The following CMC1 variants were observed in gnomAD, a reference collection of about 807,000 sequenced individuals.
CMC1 encodes the protein COX assembly mitochondrial protein homolog.
Under a neutral mutation model 14.1 loss-of-function variants are expected in CMC1, and 14 were observed. The observed-to-expected ratio is 0.99, with a 90% CI of 0.66 to 1.55. The LOEUF (loss-of-function observed/expected upper bound fraction) is 1.55, where lower values mean the gene tolerates loss of function less well. CMC1 is among the 40% of genes most tolerant of loss of function. The pLI, the probability that CMC1 is intolerant of heterozygous loss-of-function variation, is 0.00. For missense variants in CMC1, 127 were observed against 123.8 expected, an observed-to-expected ratio of 1.03 and a Z score of -0.12; for synonymous variants, 50 against 38.4, an observed-to-expected ratio of 1.30 and a Z score of -1.12.
chr3:28,301,252 C>G (rs1702031737), intron 2 of CMC1, among the ~76,000 whole-genome samples: 1 of 152,160 alleles, frequency 6.6e-6, no homozygotes, highest in Non-Finnish European at 1.5e-5. Context: ...CAAGGCCATG[C>G]TCTGTTACCT....
intron 1 of CMC1, among the ~76,000 whole-genome samples, chr3:28,256,474 C>T (rs907623834): frequency 6.6e-6 from 1 of 152,118 alleles, no homozygotes; most frequent in African/African-American, 2.4e-5. Flanking sequence ...AAAATACCTT[C>T]ACAGCATCAC....
intron 2 of CMC1, among the ~76,000 whole-genome samples, chr3:28,276,135 A>G (rs1285495390): frequency 1.3e-5 from 2 of 152,026 alleles, no homozygotes; most frequent in African/African-American, 4.8e-5. Flanking sequence ...TCCCAGTGAG[A>G]AAACCTAGAT....
At position 28,314,406 on chromosome 3, in the gene CMC1, AC is replaced by A. The variant is rs879390445; in HGVS notation, c.110-1925del. On this transcript the variant is annotated intron_variant, in intron 2 of 3. Coordinates refer to ENST00000466830, the MANE Select transcript of CMC1 (RefSeq NM_182523.2). ...AAAGAATTTCCCTTGGTTTGATTTG[AC>A]CTGTGTGGCCAGCTCATCTGCGTCA... Among the ~76,000 whole-genome samples the A allele has an allele frequency of 4.8e-4, 73 of 152,260 alleles. 1 individual carries two copies. The highest frequency in any genetic ancestry group is 1.9e-3 in the South Asian group (9 of 4,830).
intron 2 of CMC1, among the ~76,000 whole-genome samples, chr3:28,279,436 G>A (rs1700755420): frequency 6.6e-6 from 1 of 152,134 alleles, no homozygotes; most frequent in African/African-American, 2.4e-5. Flanking sequence ...AAATTATTCA[G>A]TGTACACAGA....
In CMC1 at chr3:28,320,328, A is replaced by T. The variant is rs951040567; in HGVS notation, c.*699A>T. 1 of 151,596 alleles carries T rather than the reference A, an allele frequency of 6.6e-6. No individual in the cohort carries two copies. The highest frequency in any genetic ancestry group is 1.5e-5 in the Non-Finnish European group (1 of 67,686). 9.4% of individuals were successfully genotyped at this position (151,596 alleles called of 1,614,324 possible). A position where few individuals can be genotyped will look rare whatever the true frequency, so the allele number is the denominator to read the frequency against. ...CTCACAGTTCTGGAGTTTATTTGCC[A>T]GCAGCTTCTGGCAAGGGTTTTCATA... On this transcript the variant is annotated 3_prime_UTR_variant, in exon 4 of 4. Transcript: ENST00000466830.
intron 2 of CMC1, among the ~76,000 whole-genome samples, chr3:28,266,375 C>T (rs766588465): frequency 5.9e-5 from 9 of 151,892 alleles, no homozygotes; most frequent in African/African-American, 1.2e-4. Context: ...AAAACTATAA[C>T]GTAATACAAA....
chr3:28,257,497 C>G (rs1206177293), intron 1 of CMC1, among the ~76,000 whole-genome samples: 1 of 152,016 alleles, frequency 6.6e-6, no homozygotes, highest in African/African-American at 2.4e-5. Context: ...TAGACTTGTA[C>G]AAGTTGTCTT....
At chr3:28,263,640 A>T (rs183240100) in intron 2 of CMC1, among the ~76,000 whole-genome samples, 2 of 152,264 alleles carry the variant, frequency 1.3e-5, no homozygotes, top group East Asian at 3.9e-4. Context: ...ATATACATGG[A>T]AAAACTTGGT....
At chr3:28,277,257 T>C (rs963104414) in intron 2 of CMC1, among the ~76,000 whole-genome samples, 3 of 152,226 alleles carry the variant, frequency 2.0e-5, no homozygotes, top group Non-Finnish European at 4.4e-5. Context: ...ACATTGGTTG[T>C]CTCCATTGTA....
chr3:28,258,305 T>G (rs1481292908), intron 1 of CMC1, among the ~76,000 whole-genome samples: 3 of 151,552 alleles, frequency 2.0e-5, no homozygotes, highest in Admixed American at 1.3e-4. Context: ...TTCATATTAG[T>G]GAAGTCAAAT....
intron 2 of CMC1, among the ~76,000 whole-genome samples, chr3:28,314,845 G>A (rs916570833): frequency 1.3e-5 from 2 of 152,018 alleles, no homozygotes; most frequent in African/African-American, 4.8e-5. Context: ...ACATAATTAT[G>A]TATTTTCATG....
At chr3:28,244,891 T>G (rs1263183917) in intron 1 of CMC1, among the ~76,000 whole-genome samples, 1 of 151,748 alleles carries the variant, frequency 6.6e-6, no homozygotes, top group African/African-American at 2.4e-5. Flanking sequence ...AGGAAGGTTT[T>G]TTTTTTTTTC....
At chr3:28,253,443 T>TG (rs1699235800) in intron 1 of CMC1, among the ~76,000 whole-genome samples, 1 of 152,134 alleles carries the variant, frequency 6.6e-6, no homozygotes, top group Admixed American at 6.6e-5. Context: ...TAGCTTGATG[T>TG]GGTGGTGTGT....
At position 28,324,449 on chromosome 3, in the gene CMC1, C is replaced by T. The variant is rs749672598; in HGVS notation, c.*4820C>T. On this transcript the variant is annotated 3_prime_UTR_variant, in exon 4 of 4. Coordinates refer to ENST00000466830, the MANE Select transcript of CMC1 (RefSeq NM_182523.2). ...AGGTCTTCACTGCATCCTACAGGGG[C>T]ACAGGCTAAAAAGAAAACACAGACT... The T allele has an allele frequency of 4.1e-6, 6 of 1,468,050 alleles. No homozygotes were observed. Among genetic ancestry groups the T allele is most frequent in the Non-Finnish European group, 5.4e-6 (6 of 1,104,762 alleles). The allele number at this position is 1,468,050 out of a possible 1,614,324, so 90.9% of individuals were successfully genotyped here.
chr3:28,243,448 A>G (rs567355332), intron 1 of CMC1, among the ~76,000 whole-genome samples: 14 of 152,206 alleles, frequency 9.2e-5, no homozygotes, highest in African/African-American at 3.4e-4. Flanking sequence ...ATTTCCATAT[A>G]TCTACACTTT....
intron 2 of CMC1, among the ~76,000 whole-genome samples, chr3:28,284,071 T>C (rs2125527900): frequency 6.6e-6 from 1 of 152,358 alleles, no homozygotes; most frequent in South Asian, 2.1e-4. Flanking sequence ...AAGTGTACTT[T>C]GTGATGCATT....
intron 2 of CMC1, among the ~76,000 whole-genome samples, chr3:28,299,162 T>C (rs1263765030): frequency 6.6e-6 from 1 of 152,138 alleles, no homozygotes; most frequent in Non-Finnish European, 1.5e-5. Flanking sequence ...TTCTGCCACA[T>C]ATTGGTGCTC....
chr3:28,313,369 G>C (rs941736379), intron 2 of CMC1, among the ~76,000 whole-genome samples: 17 of 152,058 alleles, frequency 1.1e-4, no homozygotes. Context: ...TCTTAAGATA[G>C]ACTGAATTGA....
intron 2 of CMC1, among the ~76,000 whole-genome samples, chr3:28,282,712 T>C (rs1700962446): frequency 6.6e-6 from 1 of 152,220 alleles, no homozygotes; most frequent in South Asian, 2.1e-4. Context: ...CATTCTAATA[T>C]ATTACCTGTG....
Sources: allele counts gnomAD v4.1 joint callset (sites outside exome capture counted in the v4.1 genomes callset), GRCh38; gene constraint gnomAD v4.1.1; transcripts MANE v1.5; gene names NCBI Gene and HGNC (gene_info 2026-07-23, HGNC 2026-07-21).